RABGAP1L: variants seen among roughly 807,000 people sequenced by gnomAD.
RABGAP1L encodes the protein rab GTPase-activating protein 1-like.
Under a neutral mutation model 137.7 loss-of-function variants are expected in RABGAP1L, and 63 were observed. That is an observed-to-expected ratio of 0.46 (90% CI 0.37 to 0.56). RABGAP1L has a LOEUF of 0.56. Ranked by LOEUF, RABGAP1L falls within the 20% of genes least tolerant of loss-of-function variation. The pLI is 0.00. For missense variants in RABGAP1L, 1,095 were observed against 1,244.0 expected, an observed-to-expected ratio of 0.88 and a Z score of 1.80; for synonymous variants, 431 against 433.7, an observed-to-expected ratio of 0.99 and a Z score of 0.08.
At chr1:174,215,392 G>T (rs1669212266) in intron 1 of RABGAP1L, among the ~76,000 whole-genome samples, 1 of 151,812 alleles carries the variant, frequency 6.6e-6, no homozygotes, top group African/African-American at 2.4e-5. Flanking sequence ...GGGAGGTGGA[G>T]GTTGCAGTGA....
intron 18 of RABGAP1L, among the ~76,000 whole-genome samples, chr1:174,783,213 C>T (rs571506889): frequency 2.5e-4 from 38 of 152,302 alleles, no homozygotes; most frequent in Admixed American, 8.5e-4. Context: ...ATTGTTCCTG[C>T]GTGGCTAAAT....
At chr1:174,845,458 G>A (rs1372403370) in intron 19 of RABGAP1L, among the ~76,000 whole-genome samples, 1 of 20,454 alleles carries the variant, frequency 4.9e-5, no homozygotes, top group African/African-American at 1.2e-4. Flanking sequence ...TTTGTCAAAG[G>A]CTTTTTCTGC....
intron 19 of RABGAP1L, among the ~76,000 whole-genome samples, chr1:174,926,030 ATTT>A (rs995435206): frequency 6.7e-6 from 1 of 150,142 alleles, no homozygotes; most frequent in Non-Finnish European, 1.5e-5. Flanking sequence ...TACCCTGCCT[ATTT>A]TTCTCATTTT....
At chr1:174,629,614 C>G (rs1208343388) in intron 13 of RABGAP1L, among the ~76,000 whole-genome samples, 1 of 152,114 alleles carries the variant, frequency 6.6e-6, no homozygotes, top group African/African-American at 2.4e-5. Flanking sequence ...CCTCCACTTC[C>G]CAGGTTCAAG....
chr1:174,919,578 G>T (rs1661469695), intron 19 of RABGAP1L, among the ~76,000 whole-genome samples: 1 of 152,122 alleles, frequency 6.6e-6, no homozygotes, highest in Non-Finnish European at 1.5e-5. Context: ...TTTAAGCCAG[G>T]CATGGTGGCT....
intron 19 of RABGAP1L, among the ~76,000 whole-genome samples, chr1:174,837,200 T>A (rs1342415171): frequency 7.9e-6 from 1 of 125,874 alleles, no homozygotes; most frequent in Non-Finnish European, 1.7e-5. Context: ...AGAGCAAAAC[T>A]CGGTCTCAAA....
intron 18 of RABGAP1L, among the ~76,000 whole-genome samples, chr1:174,766,670 T>C (rs1475321858): frequency 6.6e-6 from 1 of 152,218 alleles, no homozygotes; most frequent in African/African-American, 2.4e-5. Context: ...AATCTCTGTA[T>C]CCATTGAGGA....
At chr1:174,886,868 G>A (rs1573668188) in intron 19 of RABGAP1L, among the ~76,000 whole-genome samples, 2 of 151,126 alleles carry the variant, frequency 1.3e-5, no homozygotes, top group Admixed American at 6.6e-5. Flanking sequence ...GTGCAATGGC[G>A]CAATCTCGGC....
intron 1 of RABGAP1L, among the ~76,000 whole-genome samples, chr1:174,185,609 A>G (rs1666736832): frequency 6.6e-6 from 1 of 152,238 alleles, no homozygotes; most frequent in South Asian, 2.1e-4. Flanking sequence ...TGCCTTTTAA[A>G]AAATGACCTT....
At chr1:174,358,848 T>A (rs909021129) in intron 11 of RABGAP1L, among the ~76,000 whole-genome samples, 1 of 152,228 alleles carries the variant, frequency 6.6e-6, no homozygotes, top group African/African-American at 2.4e-5. Flanking sequence ...GGCCAAGTAC[T>A]AATCTAGCAT....
At chr1:174,988,928 A>G (rs1303189622) in intron 25 of RABGAP1L, 90 bp downstream of exon 25, 1 of 1,179,242 alleles carries the variant, frequency 8.5e-7, no homozygotes, top group African/African-American at 1.6e-5. Context: ...TATCTAGGTC[A>G]GAATTGTATG....
intron 13 of RABGAP1L, among the ~76,000 whole-genome samples, chr1:174,596,759 A>G (rs1005535923): frequency 3.9e-5 from 6 of 152,162 alleles, no homozygotes; most frequent in Non-Finnish European, 8.8e-5. Context: ...TATGTTGAAT[A>G]ACGGTGGTGA....
chr1:174,915,441 T>C (rs1325762101), intron 19 of RABGAP1L, among the ~76,000 whole-genome samples: 3 of 152,076 alleles, frequency 2.0e-5, no homozygotes, highest in Non-Finnish European at 4.4e-5. Context: ...TGGTAAAATG[T>C]CTGTTCAGAG....
chr1:174,622,793 A>AT (rs1343460762), intron 13 of RABGAP1L, among the ~76,000 whole-genome samples: 18 of 152,226 alleles, frequency 1.2e-4, no homozygotes, highest in Non-Finnish European at 8.8e-5. Context: ...AGCATGGCAC[A>AT]TGTATACATA....
At chr1:174,575,851 C>T (rs1306135723) in intron 13 of RABGAP1L, among the ~76,000 whole-genome samples, 1 of 152,098 alleles carries the variant, frequency 6.6e-6, no homozygotes, top group Admixed American at 6.5e-5. Context: ...TCTGGTCCTG[C>T]AATGCTGCCA....
At chr1:174,961,968 T>C (rs1469859699) in intron 20 of RABGAP1L, among the ~76,000 whole-genome samples, 5 of 151,048 alleles carry the variant, frequency 3.3e-5, no homozygotes, top group Non-Finnish European at 7.4e-5. Context: ...CCATCCTGGC[T>C]AACATGGTGA....
chr1:174,856,399 A>T (rs1340750346), intron 19 of RABGAP1L, among the ~76,000 whole-genome samples: 1 of 65,968 alleles, frequency 1.5e-5, no homozygotes, highest in Admixed American at 1.4e-4. Flanking sequence ...CCTCTCAATA[A>T]AAAAAAAAAA....
intron 18 of RABGAP1L, among the ~76,000 whole-genome samples, chr1:174,803,810 C>T (rs142234110): frequency 0.021 from 3,152 of 152,176 alleles, 53 homozygotes; most frequent in Middle Eastern, 0.082. Flanking sequence ...CAGTGGCTCA[C>T]GCCTGTAATC....
intron 21 of RABGAP1L, among the ~76,000 whole-genome samples, chr1:174,973,137 A>T (rs1480047924): frequency 6.6e-6 from 1 of 152,156 alleles, no homozygotes; most frequent in East Asian, 1.9e-4. Context: ...AAGAGGAGAA[A>T]CTGTGAATTA....
Sources: gnomAD v4.1 joint callset for allele counts (sites outside exome capture counted in the v4.1 genomes callset) on GRCh38, gnomAD v4.1.1 for gene constraint, MANE v1.5 for transcripts, NCBI Gene and HGNC (gene_info 2026-07-23, HGNC 2026-07-21) for gene names.